SLC60A1: variants seen among roughly 807,000 people sequenced by gnomAD.
The protein encoded by SLC60A1 is major facilitator superfamily domain containing 4.
At chr1:205,592,757 G>A in the SLC60A1 span, among the ~76,000 whole-genome samples, 2 of 151,408 alleles carry the variant, frequency 1.3e-5, no homozygotes, top group African/African-American at 4.8e-5. Flanking sequence ...CAGAGAAGCA[G>A]TTAAGCTTCT....
At chr1:205,597,889 G>T in the SLC60A1 span, 1 of 1,594,612 alleles carries the variant, frequency 6.3e-7, no homozygotes, top group Non-Finnish European at 8.6e-7. Context: ...AGCATTTGGG[G>T]AGCACTCCTC....
the SLC60A1 span, chr1:205,583,871 T>A: frequency 1.3e-6 from 2 of 1,486,050 alleles, no homozygotes; most frequent in Non-Finnish European, 1.8e-6. Context: ...CCCAGGACTA[T>A]GCACATGCAG....
the SLC60A1 span, chr1:205,592,336 C>T: frequency 2.6e-6 from 4 of 1,544,472 alleles, no homozygotes; most frequent in South Asian, 2.4e-5. Flanking sequence ...AGCTGGGCGC[C>T]GCCGCCTCGC....
the SLC60A1 span, among the ~76,000 whole-genome samples, chr1:205,597,206 C>T: frequency 6.6e-6 from 1 of 152,082 alleles, no homozygotes; most frequent in Non-Finnish European, 1.5e-5. Flanking sequence ...ATGGGATTTA[C>T]CCTGAGATAT....
At chr1:205,598,656 C>G in the SLC60A1 span, 1 of 157,412 alleles carries the variant, frequency 6.4e-6, no homozygotes, top group Non-Finnish European at 1.4e-5. Context: ...TAACCTAGTG[C>G]AGAAAAGAAG....
the SLC60A1 span, among the ~76,000 whole-genome samples, chr1:205,592,665 G>A: frequency 1.3e-5 from 2 of 152,160 alleles, no homozygotes; most frequent in Non-Finnish European, 2.9e-5. Context: ...TTTGGCGGGA[G>A]CAGGCCCACA....
At chr1:205,590,687 G>A in the SLC60A1 span, among the ~76,000 whole-genome samples, 21 of 152,346 alleles carry the variant, frequency 1.4e-4, no homozygotes, top group African/African-American at 4.6e-4. Flanking sequence ...AGAAGTGGAG[G>A]GGTTGGGAGC....
the SLC60A1 span, among the ~76,000 whole-genome samples, chr1:205,573,290 C>T: frequency 4.6e-5 from 7 of 152,108 alleles, no homozygotes; most frequent in Admixed American, 3.3e-4. Context: ...CACAGTGGTA[C>T]GTGCCTGTAA....
At chr1:205,574,727 G>A in the SLC60A1 span, among the ~76,000 whole-genome samples, 5 of 152,132 alleles carry the variant, frequency 3.3e-5, no homozygotes, top group Admixed American at 2.6e-4. Context: ...ACAGGAGAGA[G>A]CCAGGCGTGC....
the SLC60A1 span, among the ~76,000 whole-genome samples, chr1:205,599,667 G>T: frequency 6.6e-6 from 1 of 152,220 alleles, no homozygotes; most frequent in Non-Finnish European, 1.5e-5. Context: ...TCAGGATTTT[G>T]ATTCTAGTCC....
chr1:205,584,138 G>A, the SLC60A1 span: 1 of 1,609,948 alleles, frequency 6.2e-7, no homozygotes, highest in South Asian at 1.1e-5. Flanking sequence ...GGGCTCTAAT[G>A]AATCTGCATC....
At chr1:205,591,064 G>A in the SLC60A1 span, among the ~76,000 whole-genome samples, 2 of 152,162 alleles carry the variant, frequency 1.3e-5, no homozygotes, top group Non-Finnish European at 2.9e-5. Context: ...TGTGCTGCCT[G>A]GGTTTATTCC....
the SLC60A1 span, chr1:205,592,336 C>G: frequency 2.6e-6 from 4 of 1,544,474 alleles, no homozygotes; most frequent in Non-Finnish European, 2.6e-6. Flanking sequence ...AGCTGGGCGC[C>G]GCCGCCTCGC....
At chr1:205,573,261 A>G in the SLC60A1 span, among the ~76,000 whole-genome samples, 2 of 152,062 alleles carry the variant, frequency 1.3e-5, no homozygotes, top group African/African-American at 4.8e-5. Flanking sequence ...AAAAAAAACA[A>G]AAACAAAAAT....
chr1:205,589,529 C>T, the SLC60A1 span, among the ~76,000 whole-genome samples: 1 of 152,172 alleles, frequency 6.6e-6, no homozygotes, highest in Non-Finnish European at 1.5e-5. Context: ...TACATTTATT[C>T]ATGCTATGAA....
At chr1:205,577,573 G>A in the SLC60A1 span, among the ~76,000 whole-genome samples, 2 of 152,164 alleles carry the variant, frequency 1.3e-5, no homozygotes, top group Non-Finnish European at 2.9e-5. This position sits in a 1 kb window ranked among gnomAD's most constrained non-coding sequence, Gnocchi z 5.2. Flanking sequence ...GTGCTTCCTA[G>A]CCTTGCCATT....
chr1:205,580,603 C>T, the SLC60A1 span: 3 of 1,584,492 alleles, frequency 1.9e-6, no homozygotes, highest in Non-Finnish European at 1.7e-6. The surrounding 1 kb of genome is among the most constrained non-coding windows in gnomAD (Gnocchi z 5.0). Context: ...CAGGCCACCA[C>T]TTCCCCGGGC....
At chr1:205,591,987 G>A in the SLC60A1 span, 8 of 1,039,326 alleles carry the variant, frequency 7.7e-6, no homozygotes, top group Admixed American at 5.4e-5. Flanking sequence ...TGCGGTTCCC[G>A]CCTGGTCCAC....
the SLC60A1 span, chr1:205,584,955 G>T: frequency 6.2e-7 from 1 of 1,613,970 alleles, no homozygotes; most frequent in South Asian, 1.1e-5. Flanking sequence ...TCCACATCAC[G>T]GGCGCCCTGG....
Sources: gnomAD v4.1 joint callset for allele counts (sites outside exome capture counted in the v4.1 genomes callset) on GRCh38, gnomAD v4.1.1 for gene constraint, Gnocchi (gnomAD v3.1) non-coding constraint, MANE v1.5 for transcripts, NCBI Gene and HGNC (gene_info 2026-07-23, HGNC 2026-07-21) for gene names.